STX8: variants seen among roughly 807,000 people sequenced by gnomAD.
STX8 encodes syntaxin 8, also known as syntaxin-8.
STX8 carries 23 observed loss-of-function variants against 37.5 expected under a neutral mutation model. The observed-to-expected ratio is 0.61, with a 90% confidence interval of 0.44 to 0.87. The LOEUF (loss-of-function observed/expected upper bound fraction) is 0.87. Ranked by LOEUF, STX8 falls within the 40% of genes least tolerant of loss-of-function variation. STX8 has a pLI of 0.00. For synonymous variants in STX8, 115 were observed against 99.1 expected (o/e 1.16, Z -0.95); for missense variants, 313 against 284.7 (o/e 1.10, Z -0.71).
At chr17:9,443,273 G>A (rs371470414) in intron 6 of STX8, among the ~76,000 whole-genome samples, 11 of 152,256 alleles carry the variant, frequency 7.2e-5, no homozygotes, top group Non-Finnish European at 1.5e-4. Flanking sequence ...ATCAACTACT[G>A]AAAGCAGCCA....
intron 6 of STX8, among the ~76,000 whole-genome samples, chr17:9,428,272 C>T (rs908891080): frequency 1.3e-5 from 2 of 152,170 alleles, no homozygotes; most frequent in African/African-American, 4.8e-5. Context: ...GATGGAGTCT[C>T]ACTCTGTCTC....
chr17:9,438,340 G>T (rs898514965), intron 6 of STX8, among the ~76,000 whole-genome samples: 1 of 130,444 alleles, frequency 7.7e-6, no homozygotes, highest in Non-Finnish European at 1.5e-5. Context: ...CTTAAATATC[G>T]TATAAATGCA....
intron 4 of STX8, among the ~76,000 whole-genome samples, chr17:9,522,272 T>C (rs1905370207): frequency 6.6e-6 from 1 of 152,166 alleles, no homozygotes; most frequent in African/African-American, 2.4e-5. Flanking sequence ...CTGAGAGCCA[T>C]CTGCTGGTTA....
At chr17:9,528,286 G>C (rs1567598509) in intron 4 of STX8, among the ~76,000 whole-genome samples, 1 of 151,608 alleles carries the variant, frequency 6.6e-6, no homozygotes, top group Non-Finnish European at 1.5e-5. Context: ...ATGAACTTTT[G>C]AGTTACACAT....
At position 9,275,793 on chromosome 17, in the gene STX8, G is replaced by A. The variant is rs551375708; in HGVS notation, c.644-25148C>T. Reference sequence around the variant, plus strand: ...TGAGGCAGGAGAATCATTTGAACCCGGGAAGCAGAGGATGTAGTGAGCCAA... The same window carrying A: ...TGAGGCAGGAGAATCATTTGAACCCAGGAAGCAGAGGATGTAGTGAGCCAA... On this transcript the variant is annotated intron_variant, in intron 7 of 7. Transcript: ENST00000306357. 6.6e-5 allele frequency among the ~76,000 whole-genome samples: 10 copies of A among 151,966 alleles called. No individual in the cohort carries two copies. The South Asian group carries it at 1.7e-3, about 25-fold the overall frequency.
intron 5 of STX8, among the ~76,000 whole-genome samples, chr17:9,503,993 A>G (rs1904724383): frequency 6.6e-6 from 1 of 151,892 alleles, no homozygotes; most frequent in Admixed American, 6.6e-5. Flanking sequence ...CGAACTCCTG[A>G]TCTCAGGTGA....
At chr17:9,431,579 G>C (rs991673660) in intron 6 of STX8, among the ~76,000 whole-genome samples, 3 of 152,222 alleles carry the variant, frequency 2.0e-5, no homozygotes, top group African/African-American at 4.8e-5. Context: ...ACAGGCGTGA[G>C]CCACCGCGGC....
intron 7 of STX8, among the ~76,000 whole-genome samples, chr17:9,291,202 T>C (rs567938054): frequency 6.6e-6 from 1 of 152,260 alleles, no homozygotes; most frequent in East Asian, 1.9e-4. Context: ...CCCAGCACTT[T>C]GGGAGGCCGA....
chr17:9,297,777 G>A (rs1908619414), intron 7 of STX8, among the ~76,000 whole-genome samples: 1 of 152,176 alleles, frequency 6.6e-6, no homozygotes, highest in Non-Finnish European at 1.5e-5. Context: ...CTGGGAGGTT[G>A]AGGCAGGAGA....
chr17:9,425,538 T>C (rs1379393988), intron 6 of STX8, among the ~76,000 whole-genome samples: 1 of 152,244 alleles, frequency 6.6e-6, no homozygotes. Context: ...GCTATTGAGC[T>C]ACTGAGCACG....
At chr17:9,513,620 C>G (rs1394393388) in intron 4 of STX8, among the ~76,000 whole-genome samples, 1 of 152,106 alleles carries the variant, frequency 6.6e-6, no homozygotes, top group South Asian at 2.1e-4. Flanking sequence ...TGGGGGTTCC[C>G]CAAAAAACTA....
At chr17:9,363,091 G>A (rs188497665) in intron 7 of STX8, among the ~76,000 whole-genome samples, 81 of 152,220 alleles carry the variant, frequency 5.3e-4, no homozygotes, top group Middle Eastern at 3.4e-3. Context: ...TGTATACAGT[G>A]TGGTGGTTAA....
chr17:9,484,384 C>CAAA (rs58573668), intron 6 of STX8, among the ~76,000 whole-genome samples: 1 of 70,092 alleles, frequency 1.4e-5, no homozygotes, highest in Non-Finnish European at 3.1e-5. Flanking sequence ...AACCTAAGCT[C>CAAA]AAAAAAAAAA....
chr17:9,363,541 G>A (rs547810965), intron 7 of STX8, among the ~76,000 whole-genome samples: 1 of 152,240 alleles, frequency 6.6e-6, no homozygotes, highest in Non-Finnish European at 1.5e-5. Flanking sequence ...TCTAAACCCA[G>A]CCCTCATTTG....
At chr17:9,323,070 A>G (rs954700965) in intron 7 of STX8, among the ~76,000 whole-genome samples, 1 of 152,142 alleles carries the variant, frequency 6.6e-6, no homozygotes, top group Non-Finnish European at 1.5e-5. Context: ...TCTTTTCATC[A>G]CTAGAGAGAT....
chr17:9,484,784 G>A (rs963631401), intron 6 of STX8, among the ~76,000 whole-genome samples: 1 of 152,152 alleles, frequency 6.6e-6, no homozygotes, highest in East Asian at 1.9e-4. Context: ...GCGAGATCGT[G>A]CCATTACACT....
At chr17:9,356,959 A>ATTTTTTTTTT in intron 7 of STX8, among the ~76,000 whole-genome samples, 1 of 77,476 alleles carries the variant, frequency 1.3e-5, no homozygotes, top group Admixed American at 1.6e-4. Flanking sequence ...TCCTTTTAAC[A>ATTTTTTTTTT]GTTTTTTTTT....
intron 5 of STX8, among the ~76,000 whole-genome samples, chr17:9,497,202 G>A (rs144545104): frequency 1.1e-3 from 172 of 152,222 alleles, no homozygotes; most frequent in African/African-American, 4.0e-3. Context: ...GTATATTAAA[G>A]AAACTTAAGA....
chr17:9,342,894 G>C (rs1193157637), intron 7 of STX8, among the ~76,000 whole-genome samples: 1 of 152,096 alleles, frequency 6.6e-6, no homozygotes, highest in East Asian at 1.9e-4. Context: ...GGTGGTACGT[G>C]CCTGTAGTCC....
Sources: allele counts gnomAD v4.1 joint callset (sites outside exome capture counted in the v4.1 genomes callset), GRCh38; gene constraint gnomAD v4.1.1; transcripts MANE v1.5; gene names NCBI Gene and HGNC (gene_info 2026-07-23, HGNC 2026-07-21).